The following ADAM18 variants were observed in gnomAD, a reference collection of about 807,000 sequenced individuals.
ADAM18 encodes the protein ADAM metallopeptidase domain 18.
A neutral mutation model predicts 94.4 loss-of-function variants in ADAM18; 117 were observed. The observed-to-expected ratio is 1.24, with a 90% CI of 1.07 to 1.45. The LOEUF (loss-of-function observed/expected upper bound fraction) is 1.45. ADAM18 is among the 40% of genes most tolerant of loss of function. The pLI, the probability that ADAM18 is intolerant of heterozygous loss-of-function variation, is 0.00. For missense variants in ADAM18, 936 were observed against 880.0 expected (o/e 1.06, Z -0.81); for synonymous variants, 327 against 291.6 (o/e 1.12, Z -1.24).
At chr8:39,608,002 T>C (rs1283541089) in intron 3 of ADAM18, among the ~76,000 whole-genome samples, 1 of 152,136 alleles carries the variant, frequency 6.6e-6, no homozygotes, top group African/African-American at 2.4e-5. Flanking sequence ...ATAGGTAACA[T>C]GTCCAAATGG....
chr8:39,688,422 C>G (rs570592807), intron 16 of ADAM18, among the ~76,000 whole-genome samples: 44 of 152,204 alleles, frequency 2.9e-4, no homozygotes, highest in African/African-American at 1.0e-3. Context: ...GTGTGTTGTT[C>G]CCTTCTATGT....
chr8:39,716,294 T>C (rs115853640), intron 18 of ADAM18, among the ~76,000 whole-genome samples: 98 of 152,114 alleles, frequency 6.4e-4, no homozygotes, highest in African/African-American at 2.1e-3. Context: ...AGGTTGTTTA[T>C]TTGAAATCTT....
Position 39,663,873 on chromosome 8 carries a change from T to C in ADAM18, c.1309T>C (p.Cys437Arg). ...GSVKCGSGPC[C>R]TSKCELSIAG... is the part of the protein sequence containing the mutation. The stretch of plus-strand genomic sequence containing the variant: ...AGTAAAATGTGGTTCTGGACCATGT[T>C]GTACATCAAAGTGTGAGGTAAGTTA... Residue 437 changes from cysteine to arginine, a missense_variant, in exon 13 of 20, where the codon TGT (cysteine) becomes CGT (arginine). Transcript: ENST00000265707. 2.5e-6 allele frequency: 4 copies of C among 1,610,918 alleles called. No individual in the cohort carries two copies. In the South Asian group the frequency reaches 4.4e-5, roughly 18 times the overall value.
At chr8:39,651,941 A>G (rs1405715594) in intron 12 of ADAM18, among the ~76,000 whole-genome samples, 3 of 144,576 alleles carry the variant, frequency 2.1e-5, no homozygotes, top group African/African-American at 7.6e-5. Flanking sequence ...ATAAATGGAC[A>G]CATTTATAGT....
chr8:39,703,264 C>T (rs1283936161), intron 17 of ADAM18, among the ~76,000 whole-genome samples: 16 of 152,138 alleles, frequency 1.1e-4, no homozygotes, highest in African/African-American at 3.6e-4. Flanking sequence ...ACTTCATTAG[C>T]GATTTGGCTC....
At chr8:39,716,546 T>C (rs923370165) in intron 18 of ADAM18, among the ~76,000 whole-genome samples, 29 of 151,986 alleles carry the variant, frequency 1.9e-4, no homozygotes, top group African/African-American at 6.8e-4. Flanking sequence ...CATCCCCTTG[T>C]GATCTGAGAA....
At chr8:39,688,077 A>C (rs1005644802) in intron 16 of ADAM18, among the ~76,000 whole-genome samples, 4 of 152,178 alleles carry the variant, frequency 2.6e-5, no homozygotes, top group Non-Finnish European at 4.4e-5. Context: ...ACTAATTTAC[A>C]TTTCCACCAG....
At chr8:39,653,717 A>C (rs1378276924) in intron 12 of ADAM18, among the ~76,000 whole-genome samples, 1 of 152,214 alleles carries the variant, frequency 6.6e-6, no homozygotes, top group Admixed American at 6.5e-5. Context: ...TTTTTAATTG[A>C]TATATCATAG....
chr8:39,624,799 C>T (rs2129578895), intron 6 of ADAM18, among the ~76,000 whole-genome samples: 1 of 152,208 alleles, frequency 6.6e-6, no homozygotes, highest in Admixed American at 6.5e-5. Context: ...GTAGCACCTC[C>T]CCTGCTCTCT....
intron 7 of ADAM18, among the ~76,000 whole-genome samples, chr8:39,632,176 G>T (rs1390235997): frequency 6.6e-6 from 1 of 150,734 alleles, no homozygotes; most frequent in Non-Finnish European, 1.5e-5. Flanking sequence ...TTGCATTTAT[G>T]TATACATGTA....
At chr8:39,696,009 A>C (rs1463218942) in intron 17 of ADAM18, among the ~76,000 whole-genome samples, 1 of 151,400 alleles carries the variant, frequency 6.6e-6, no homozygotes, top group Non-Finnish European at 1.5e-5. Context: ...CCACAGTCTC[A>C]TCAACAATGC....
At chr8:39,690,273 G>A (rs751172803) in intron 16 of ADAM18, among the ~76,000 whole-genome samples, 2 of 152,112 alleles carry the variant, frequency 1.3e-5, no homozygotes, top group Non-Finnish European at 2.9e-5. Context: ...TCCAGCATGT[G>A]GCACCATGGG....
intron 7 of ADAM18, among the ~76,000 whole-genome samples, chr8:39,635,014 G>A (rs998136821): frequency 6.6e-6 from 1 of 152,076 alleles, no homozygotes; most frequent in African/African-American, 2.4e-5. Context: ...ACCATTTAGA[G>A]GTGATTAGTG....
intron 12 of ADAM18, among the ~76,000 whole-genome samples, chr8:39,649,268 C>T (rs1340314864): frequency 1.3e-5 from 2 of 152,032 alleles, no homozygotes; most frequent in South Asian, 2.1e-4. Context: ...CTATATTTCA[C>T]AAGGTAAAAC....
chr8:39,703,049 G>T (rs574716386), intron 17 of ADAM18, among the ~76,000 whole-genome samples: 1 of 152,062 alleles, frequency 6.6e-6, no homozygotes, highest in African/African-American at 2.4e-5. Flanking sequence ...CGGGAATAGC[G>T]TTGAATCTAT....
intron 6 of ADAM18, among the ~76,000 whole-genome samples, chr8:39,615,518 C>T (rs994816396): frequency 6.6e-6 from 1 of 152,182 alleles, no homozygotes; most frequent in African/African-American, 2.4e-5. Flanking sequence ...ATTCAATATC[C>T]TGTTATGTAA....
At chr8:39,681,858 A>T (rs1821470894) in intron 16 of ADAM18, among the ~76,000 whole-genome samples, 1 of 152,190 alleles carries the variant, frequency 6.6e-6, no homozygotes, top group African/African-American at 2.4e-5. Context: ...GTACATAATA[A>T]ACTTGGTGAT....
chr8:39,587,709 G>A (rs1277066614), intron 2 of ADAM18, among the ~76,000 whole-genome samples: 1 of 152,072 alleles, frequency 6.6e-6, no homozygotes, highest in Non-Finnish European at 1.5e-5. Flanking sequence ...GCCTCCCAAA[G>A]TGCTGGCATT....
At chr8:39,626,139 A>T (rs185431954) in intron 6 of ADAM18, among the ~76,000 whole-genome samples, 1 of 152,244 alleles carries the variant, frequency 6.6e-6, no homozygotes, top group African/African-American at 2.4e-5. Context: ...GATTCAAGCT[A>T]GTAGGGTTGT....
Sources: gnomAD v4.1 joint callset for allele counts (sites outside exome capture counted in the v4.1 genomes callset) on GRCh38, gnomAD v4.1.1 for gene constraint, MANE v1.5 for transcripts, NCBI Gene and HGNC (gene_info 2026-07-23, HGNC 2026-07-21) for gene names.